CLVS1: variants seen among roughly 807,000 people sequenced by gnomAD.
The protein encoded by CLVS1 is clavesin 1.
CLVS1 carries 10 observed loss-of-function variants against 33.1 expected under a neutral mutation model. The ratio of observed to expected loss-of-function variants is 0.30; its 90% confidence interval spans 0.19 to 0.51. CLVS1 has a LOEUF of 0.51. Ranked by LOEUF, CLVS1 falls within the 20% of genes least tolerant of loss-of-function variation. CLVS1 has a pLI of 0.97. For missense variants in CLVS1, 343 were observed against 433.4 expected (o/e 0.79, Z 1.85); for synonymous variants, 163 against 166.1 (o/e 0.98, Z 0.14).
At chr8:61,343,602 G>C (rs1812102398) in intron 2 of CLVS1, among the ~76,000 whole-genome samples, 1 of 152,152 alleles carries the variant, frequency 6.6e-6, no homozygotes, top group Non-Finnish European at 1.5e-5. Flanking sequence ...CAAAGAGGAG[G>C]ATTAGAAACC....
At chr8:60,969,339 C>G in the CLVS1 span, among the ~76,000 whole-genome samples, 1 of 152,128 alleles carries the variant, frequency 6.6e-6, no homozygotes, top group African/African-American at 2.4e-5. Flanking sequence ...AAATAAAAAC[C>G]CTGTAGCCCT....
intron 2 of CLVS1, among the ~76,000 whole-genome samples, chr8:61,215,527 C>CTT (rs10653767): frequency 0.083 from 12,651 of 151,730 alleles, 1,014 homozygotes; most frequent in African/African-American, 0.21. Flanking sequence ...TAACGGATGT[C>CTT]TTTTTTTTAC....
chr8:61,054,617 C>T (rs553023263), upstream of CLVS1, among the ~76,000 whole-genome samples: 3 of 151,994 alleles, frequency 2.0e-5, no homozygotes, highest in African/African-American at 4.8e-5. Context: ...CAGGCCCATT[C>T]GTGCTGGCTT....
In CLVS1 at chr8:61,458,375, A is replaced by G. The variant is rs768390213; in HGVS notation, c.810A>G (p.Glu270=). The G allele has an allele frequency of 1.9e-6, 3 of 1,614,166 alleles. No individual in the cohort carries two copies. Among genetic ancestry groups the G allele is most frequent in the South Asian group, 1.1e-5 (1 of 91,084 alleles). The change falls in exon 5 of 6, where the codon GAA becomes GAG. Residue 270 remains glutamate, a synonymous_variant. Coordinates refer to ENST00000325897, the MANE Select transcript of CLVS1 (RefSeq NM_173519.3). The stretch of plus-strand genomic sequence containing the variant: ...TACACCCTGAATTTTTGCCCTCTGA[A>G]TTTGGAGGAACTCTTCCTCCTTATG... ...QLIHPEFLPS[E]FGGTLPPYDM... is the part of the protein sequence containing the mutation.
chr8:61,143,064 A>G (rs1228133751), intron 2 of CLVS1, among the ~76,000 whole-genome samples: 1 of 152,212 alleles, frequency 6.6e-6, no homozygotes, highest in Non-Finnish European at 1.5e-5. Context: ...TTTGCTTTGT[A>G]TGTGATCATA....
chr8:61,203,373 T>A (rs1419254633), intron 2 of CLVS1, among the ~76,000 whole-genome samples: 4 of 152,228 alleles, frequency 2.6e-5, no homozygotes, highest in Non-Finnish European at 5.9e-5. Flanking sequence ...TTGCCAAGAA[T>A]GTGTTGTCCA....
the CLVS1 span, among the ~76,000 whole-genome samples, chr8:60,983,791 A>G: frequency 5.3e-5 from 8 of 152,208 alleles, no homozygotes; most frequent in East Asian, 1.9e-4. Flanking sequence ...CACAATGACC[A>G]TGAGCTGCAG....
chr8:61,341,276 G>A (rs1812020328), intron 2 of CLVS1, among the ~76,000 whole-genome samples: 1 of 152,108 alleles, frequency 6.6e-6, no homozygotes, highest in African/African-American at 2.4e-5. Flanking sequence ...AATTGCACTG[G>A]GACTGAAATT....
intron 5 of CLVS1, among the ~76,000 whole-genome samples, chr8:61,478,220 G>A (rs1013424061): frequency 6.6e-6 from 1 of 152,168 alleles, no homozygotes; most frequent in African/African-American, 2.4e-5. Flanking sequence ...ATTTGCTGAG[G>A]AGTGCTGTAC....
At chr8:61,499,096 A>T (rs1804422391) in intron 5 of CLVS1, among the ~76,000 whole-genome samples, 1 of 152,220 alleles carries the variant, frequency 6.6e-6, no homozygotes. Context: ...TGCCGTAAAA[A>T]TGTGGTTTAG....
At chr8:61,066,600 A>G (rs1439007372) in intron 1 of CLVS1, among the ~76,000 whole-genome samples, 3 of 152,138 alleles carry the variant, frequency 2.0e-5, no homozygotes, top group Admixed American at 6.5e-5. Context: ...CCTCCTCCCA[A>G]TACATTTCTA....
chr8:61,245,861 T>C (rs1808795083), intron 2 of CLVS1, among the ~76,000 whole-genome samples: 2 of 152,038 alleles, frequency 1.3e-5, no homozygotes, highest in Admixed American at 1.3e-4. Flanking sequence ...CTTGACCTGC[T>C]GGGCTCAAGG....
At chr8:61,302,179 T>C (rs1585772670) in intron 2 of CLVS1, among the ~76,000 whole-genome samples, 2 of 152,156 alleles carry the variant, frequency 1.3e-5, no homozygotes, top group Admixed American at 1.3e-4. Context: ...CTTGGAAAGG[T>C]ATTTGCATAT....
At chr8:61,193,361 G>A (rs1807534911) in intron 2 of CLVS1, among the ~76,000 whole-genome samples, 1 of 151,988 alleles carries the variant, frequency 6.6e-6, no homozygotes, top group East Asian at 1.9e-4. Flanking sequence ...CACACACCTG[G>A]GCCTGTCGTA....
chr8:61,460,461 C>T (rs948895115), intron 5 of CLVS1, among the ~76,000 whole-genome samples: 4 of 151,942 alleles, frequency 2.6e-5, no homozygotes, highest in South Asian at 2.1e-4. Context: ...AAATGGATGC[C>T]CTTGAAATAT....
At chr8:61,292,834 T>A (rs1050556687) in intron 1 of CLVS1, among the ~76,000 whole-genome samples, 3 of 152,306 alleles carry the variant, frequency 2.0e-5, no homozygotes, top group South Asian at 2.1e-4. Flanking sequence ...TCATACTTTA[T>A]AAGTTGGCAT....
chr8:61,212,946 C>T (rs1477537089), intron 2 of CLVS1, among the ~76,000 whole-genome samples: 1 of 152,126 alleles, frequency 6.6e-6, no homozygotes, highest in Non-Finnish European at 1.5e-5. Flanking sequence ...GAAACACCTG[C>T]TTAAGAGATT....
upstream of CLVS1, among the ~76,000 whole-genome samples, chr8:61,055,391 T>A (rs1563386385): frequency 6.6e-6 from 1 of 152,262 alleles, no homozygotes; most frequent in Non-Finnish European, 1.5e-5. Context: ...TTGTTTAGCC[T>A]ATTTTTAATT....
chr8:61,142,646 A>C (rs947871101), intron 2 of CLVS1, among the ~76,000 whole-genome samples: 1 of 152,164 alleles, frequency 6.6e-6, no homozygotes, highest in Non-Finnish European at 1.5e-5. Flanking sequence ...TGCCTCTTAC[A>C]TTGAGTCCTG....
Sources: gnomAD v4.1 joint callset for allele counts (sites outside exome capture counted in the v4.1 genomes callset) on GRCh38, gnomAD v4.1.1 for gene constraint, MANE v1.5 for transcripts, NCBI Gene and HGNC (gene_info 2026-07-23, HGNC 2026-07-21) for gene names.